Variants in GFOD2 observed in about 807,000 individuals in gnomAD.
The protein encoded by GFOD2 is glucose-fructose oxidoreductase domain-containing protein 2.
A neutral mutation model predicts 24.6 loss-of-function variants in GFOD2; 9 were observed. That is an observed-to-expected ratio of 0.37 (90% CI 0.22 to 0.64). The LOEUF is 0.64. GFOD2 is among the 30% of genes least tolerant of loss of function. GFOD2 has a pLI of 0.65. For missense variants in GFOD2, 476 were observed against 532.5 expected (o/e 0.89, Z 1.04); for synonymous variants, 211 against 224.8 (o/e 0.94, Z 0.55).
chr16:67,688,734 C>CTTT lies in GFOD2; in HGVS notation c.-87-2935_-87-2933dup, dbSNP rs113977188. ...TGTAGTACAATATACATAAAATTTA[C>CTTT]TTTTTTTTTTTTTTTTTTGAGACGG... On this transcript the variant is annotated intron_variant, in intron 1 of 2. Coordinates refer to ENST00000268797, the MANE Select transcript of GFOD2 (RefSeq NM_030819.4). 2.4e-3 allele frequency among the ~76,000 whole-genome samples: 313 copies of CTTT among 131,098 alleles called. 8 individuals carry two copies. The highest frequency in any genetic ancestry group is 8.7e-3 in the African/African-American group (302 of 34,612). The allele number at this position is 131,098 out of a possible 152,430, so 86.0% of individuals were successfully genotyped here.
At chr16:67,694,779 A>C (rs1194442883) in intron 1 of GFOD2, among the ~76,000 whole-genome samples, 3 of 152,078 alleles carry the variant, frequency 2.0e-5, no homozygotes, top group Non-Finnish European at 2.9e-5. Context: ...GAACCACTAA[A>C]TTACACATGA....
intron 1 of GFOD2, among the ~76,000 whole-genome samples, chr16:67,698,676 C>T (rs980837106): frequency 2.6e-5 from 4 of 152,102 alleles, no homozygotes; most frequent in Admixed American, 6.6e-5. Flanking sequence ...ACGGGGTTTC[C>T]CCATATTGGC....
chr16:67,690,159 C>T (rs1348803368), intron 1 of GFOD2, among the ~76,000 whole-genome samples: 1 of 152,164 alleles, frequency 6.6e-6, no homozygotes, highest in Non-Finnish European at 1.5e-5. Flanking sequence ...CTCTTCTAGA[C>T]TCTGCTTTCA....
intron 1 of GFOD2, among the ~76,000 whole-genome samples, chr16:67,698,837 T>C (rs560683764): frequency 2.0e-5 from 3 of 152,118 alleles, no homozygotes; most frequent in East Asian, 1.9e-4. Flanking sequence ...TTAGGAGACA[T>C]TAGACACAGA....
At chr16:67,699,449 C>T (rs2053383660) in intron 1 of GFOD2, among the ~76,000 whole-genome samples, 1 of 151,974 alleles carries the variant, frequency 6.6e-6, no homozygotes, top group Non-Finnish European at 1.5e-5. Context: ...ATTCTAAAAT[C>T]AACTACTATT....
chr16:67,679,225 CTTTTT>C (rs1297973969), intron 2 of GFOD2, among the ~76,000 whole-genome samples: 3 of 146,832 alleles, frequency 2.0e-5, no homozygotes, highest in African/African-American at 7.5e-5. Context: ...TAAATAATTT[CTTTTT>C]TTTTTCTTTT....
chr16:67,687,498 A>C (rs1324237639), intron 1 of GFOD2, among the ~76,000 whole-genome samples: 1 of 151,754 alleles, frequency 6.6e-6, no homozygotes, highest in Non-Finnish European at 1.5e-5. Flanking sequence ...AAAATTAGCC[A>C]GTTGTGGTGG....
chr16:67,713,896 G>A (rs2142997915), intron 1 of GFOD2, among the ~76,000 whole-genome samples: 1 of 152,056 alleles, frequency 6.6e-6, no homozygotes, highest in African/African-American at 2.4e-5. Flanking sequence ...AACTACCCAG[G>A]AGCTGCCAGC....
intron 1 of GFOD2, among the ~76,000 whole-genome samples, chr16:67,698,795 A>T (rs2053377599): frequency 6.6e-6 from 1 of 151,764 alleles, no homozygotes; most frequent in Non-Finnish European, 1.5e-5. Flanking sequence ...TTTTTTCTTT[A>T]ATTTGGCAGA....
chr16:67,689,162 CAT>C (rs776487916), intron 1 of GFOD2, among the ~76,000 whole-genome samples: 14 of 151,706 alleles, frequency 9.2e-5, no homozygotes, highest in Non-Finnish European at 1.3e-4. Context: ...GCCTCAGCCA[CAT>C]GATAGCTGGG....
rs1439604266 is a variant in GFOD2 at position 67,680,790 on chromosome 16, T to G, written c.259+4667A>C. ...ACATATTTTGTTATTATACTTTAAG[T>G]TCTAGGGTACATGTGCACAACGTGC... On this transcript the variant is annotated intron_variant, in intron 2 of 2. Coordinates refer to ENST00000268797, the MANE Select transcript of GFOD2 (RefSeq NM_030819.4). 3 of 961,332 alleles carry G rather than the reference T, an allele frequency of 3.1e-6. No homozygotes were observed. The African/African-American group carries it at 5.3e-5, about 17-fold the overall frequency. The allele number at this position is 961,332 out of a possible 1,614,324, so 59.6% of individuals were successfully genotyped here.
At chr16:67,677,533 CTT>C (rs1048224528) in intron 2 of GFOD2, 3 of 152,250 alleles carry the variant, frequency 2.0e-5, no homozygotes, top group Admixed American at 6.5e-5. Context: ...CTTTTTGACT[CTT>C]TGCCTCCTGT....
At chr16:67,685,352 C>A (rs2053257852) in intron 2 of GFOD2, 105 bp downstream of exon 2, 1 of 1,546,742 alleles carries the variant, frequency 6.5e-7, no homozygotes, top group African/African-American at 1.4e-5. Context: ...CTCCTCCCTG[C>A]AGATGCGAGC....
chr16:67,715,716 G>A (rs1313860105), intron 1 of GFOD2, among the ~76,000 whole-genome samples: 3 of 151,832 alleles, frequency 2.0e-5, no homozygotes, highest in Non-Finnish European at 2.9e-5. Context: ...TTACTATACT[G>A]TATATAAGTT....
intron 1 of GFOD2, among the ~76,000 whole-genome samples, chr16:67,714,006 C>T (rs1172810113): frequency 6.6e-6 from 1 of 151,954 alleles, no homozygotes; most frequent in Non-Finnish European, 1.5e-5. Context: ...TACTTTGCGG[C>T]AAAATCTGCA....
At chr16:67,715,406 ATTTT>A (rs1266885948) in intron 1 of GFOD2, among the ~76,000 whole-genome samples, 1 of 151,688 alleles carries the variant, frequency 6.6e-6, no homozygotes, top group Admixed American at 6.6e-5. Context: ...ATGAGAGAAA[ATTTT>A]TTTTTGTCTT....
intron 1 of GFOD2, among the ~76,000 whole-genome samples, chr16:67,688,769 C>G (rs960196511): frequency 2.1e-5 from 3 of 142,014 alleles, no homozygotes; most frequent in African/African-American, 5.3e-5. Flanking sequence ...GAGTCTCGCT[C>G]TGTCGCCCAG....
intron 1 of GFOD2, among the ~76,000 whole-genome samples, chr16:67,704,666 C>T (rs1013626295): frequency 2.0e-5 from 3 of 152,224 alleles, no homozygotes; most frequent in African/African-American, 7.2e-5. Flanking sequence ...CAAGTGCACA[C>T]ACAGTCAGAA....
At chr16:67,683,455 C>G (rs1465980794) in intron 2 of GFOD2, 1 of 1,230,914 alleles carries the variant, frequency 8.1e-7, no homozygotes, top group African/African-American at 1.6e-5. Flanking sequence ...CCCCTTGAAC[C>G]AACTTGCTGC....
Sources: allele counts gnomAD v4.1 joint callset (sites outside exome capture counted in the v4.1 genomes callset), GRCh38; gene constraint gnomAD v4.1.1; transcripts MANE v1.5; gene names NCBI Gene and HGNC (gene_info 2026-07-23, HGNC 2026-07-21).